ROBO2: variants seen among roughly 807,000 people sequenced by gnomAD.
The protein encoded by ROBO2 is roundabout guidance receptor 2.
In ROBO2, 53 loss-of-function variants were observed where a neutral mutation model predicts 160.8. The observed-to-expected ratio is 0.33, with a 90% CI of 0.26 to 0.41. The LOEUF (loss-of-function observed/expected upper bound fraction) is 0.41, where lower values mean the gene tolerates loss of function less well. Ranked by LOEUF, ROBO2 falls within the 10% of genes least tolerant of loss-of-function variation. ROBO2 has a pLI of 1.00. For synonymous variants in ROBO2, 664 were observed against 611.7 expected (o/e 1.09, Z -1.26); for missense variants, 1,577 against 1,722.4 (o/e 0.92, Z 1.49).
intron 2 of ROBO2, among the ~76,000 whole-genome samples, chr3:77,014,776 AAGAG>A (rs10640175): frequency 4.0e-5 from 6 of 150,012 alleles, no homozygotes; most frequent in African/African-American, 1.2e-4. Flanking sequence ...GGCCATTTGC[AAGAG>A]AGAGAGAGAG....
At chr3:76,981,297 AGC>A (rs1367136314) in intron 2 of ROBO2, among the ~76,000 whole-genome samples, 4 of 152,198 alleles carry the variant, frequency 2.6e-5, no homozygotes, top group Non-Finnish European at 5.9e-5. Context: ...CATTTCACAT[AGC>A]TATCAGCAAT....
intron 2 of ROBO2, among the ~76,000 whole-genome samples, chr3:76,208,819 C>G (rs1386883453): frequency 6.6e-6 from 1 of 152,112 alleles, no homozygotes; most frequent in Non-Finnish European, 1.5e-5. Context: ...GGACATCTAC[C>G]TAGCTTCTGG....
intron 2 of ROBO2, among the ~76,000 whole-genome samples, chr3:76,030,484 G>A (rs1282670885): frequency 6.6e-6 from 1 of 152,124 alleles, no homozygotes; most frequent in Non-Finnish European, 1.5e-5. Context: ...TTCTTCTATG[G>A]TTTTTATGGT....
intron 2 of ROBO2, among the ~76,000 whole-genome samples, chr3:77,215,367 C>T (rs560419977): frequency 3.0e-4 from 46 of 152,282 alleles, no homozygotes; most frequent in Non-Finnish European, 5.0e-4. Context: ...TCCAGTTGAT[C>T]GCATTGGCTA....
intron 2 of ROBO2, among the ~76,000 whole-genome samples, chr3:76,175,656 C>T (rs924952283): frequency 3.3e-5 from 5 of 152,068 alleles, no homozygotes; most frequent in African/African-American, 1.2e-4. Context: ...ATCTCTGGAA[C>T]TGCTGGTTCC....
At chr3:76,381,803 A>C (rs896987497) in intron 2 of ROBO2, among the ~76,000 whole-genome samples, 1 of 152,112 alleles carries the variant, frequency 6.6e-6, no homozygotes, top group African/African-American at 2.4e-5. Context: ...TGAGACAGAG[A>C]GAGGTTAAGT....
chr3:77,239,906 C>T (rs2088719507), intron 2 of ROBO2, among the ~76,000 whole-genome samples: 1 of 152,124 alleles, frequency 6.6e-6, no homozygotes, highest in African/African-American at 2.4e-5. Context: ...ATACGGAGGG[C>T]TGATTGGTGC....
chr3:76,082,172 G>A (rs1218351630), intron 2 of ROBO2, among the ~76,000 whole-genome samples: 1 of 152,078 alleles, frequency 6.6e-6, no homozygotes, highest in Non-Finnish European at 1.5e-5. Flanking sequence ...TCAATCCATT[G>A]TGTTACACAC....
chr3:76,984,186 G>A (rs952636593), intron 2 of ROBO2, among the ~76,000 whole-genome samples: 3 of 152,156 alleles, frequency 2.0e-5, no homozygotes, highest in African/African-American at 7.2e-5. Flanking sequence ...TCAAAAATGA[G>A]ATTATGAGAT....
intron 2 of ROBO2, among the ~76,000 whole-genome samples, chr3:76,622,518 A>G (rs7432197): frequency 0.32 from 48,230 of 151,908 alleles, 8,733 homozygotes; most frequent in Middle Eastern, 0.43. Flanking sequence ...CCCATCCCCT[A>G]TCACCCATCA....
At chr3:77,509,128 C>T (rs940303081) in intron 5 of ROBO2, among the ~76,000 whole-genome samples, 2 of 152,060 alleles carry the variant, frequency 1.3e-5, no homozygotes, top group African/African-American at 4.8e-5. Context: ...ACAAAGTAGT[C>T]GTAGGCTTCA....
At chr3:77,353,182 T>G (rs944711915) in intron 2 of ROBO2, among the ~76,000 whole-genome samples, 1 of 152,200 alleles carries the variant, frequency 6.6e-6, no homozygotes. Context: ...ATTGTAACTT[T>G]GTAGTCTCTC....
intron 2 of ROBO2, among the ~76,000 whole-genome samples, chr3:76,111,991 T>C (rs936134501): frequency 6.6e-6 from 1 of 152,126 alleles, no homozygotes; most frequent in Non-Finnish European, 1.5e-5. Context: ...CTGAGTCATT[T>C]TGGAAGAGTA....
chr3:76,585,368 A>T (rs1362352137), intron 2 of ROBO2, among the ~76,000 whole-genome samples: 1 of 152,192 alleles, frequency 6.6e-6, no homozygotes, highest in Non-Finnish European at 1.5e-5. Context: ...GCTCACTAAA[A>T]ATTTTCCCAG....
chr3:76,016,552 G>A (rs991688673), intron 2 of ROBO2, among the ~76,000 whole-genome samples: 31 of 151,886 alleles, frequency 2.0e-4, no homozygotes, highest in African/African-American at 7.5e-4. Flanking sequence ...TGGGGAAAGA[G>A]TTATGGATAT....
rs75801895 is a variant in ROBO2, at chr3:76,878,468, A to T, written c.110-219546A>T. Among the ~76,000 whole-genome samples, 130 of 152,310 alleles carry T rather than the reference A, an allele frequency of 8.5e-4. 1 individual carries two copies. In the East Asian group the frequency reaches 0.016, roughly 19 times the overall value. ...TAAAAAGAATTCAGAACTCCTTTGA[A>T]CATTTCCCACATAAATAAGTATAAA... is the stretch of plus-strand genomic sequence containing the variant. On this transcript the variant is annotated intron_variant, in intron 2 of 26. Coordinates refer to the ROBO2 transcript ENST00000487694.
intron 2 of ROBO2, among the ~76,000 whole-genome samples, chr3:77,347,233 G>A (rs1338803790): frequency 6.6e-6 from 1 of 152,076 alleles, no homozygotes; most frequent in African/African-American, 2.4e-5. Context: ...CCATAAAGCT[G>A]TAAGGTTCAT....
At chr3:76,496,721 GT>G (rs1332996460) in intron 2 of ROBO2, among the ~76,000 whole-genome samples, 1 of 152,134 alleles carries the variant, frequency 6.6e-6, no homozygotes, top group East Asian at 1.9e-4. Flanking sequence ...AAACCTTAGA[GT>G]TTTTTAATTT....
rs2061942002 is a variant in ROBO2 at position 77,011,855 on chromosome 3, C to T, written c.110-86159C>T. On this transcript the variant is annotated intron_variant, in intron 2 of 26. Coordinates refer to the ROBO2 transcript ENST00000487694. ...AATTTTATGCAAAAGATTTTTCATC[C>T]AGGTTTCAAAATCAATGATGAATTC... Among the ~76,000 whole-genome samples, 2 of 151,844 alleles carry T rather than the reference C, an allele frequency of 1.3e-5. 1 individual carries two copies. Among genetic ancestry groups the T allele is most frequent in the South Asian group, 4.1e-4 (2 of 4,824 alleles).
Sources: allele counts gnomAD v4.1 joint callset (sites outside exome capture counted in the v4.1 genomes callset), GRCh38; gene constraint gnomAD v4.1.1; transcripts MANE v1.5; gene names NCBI Gene and HGNC (gene_info 2026-07-23, HGNC 2026-07-21).